KCNJ3: variants seen among roughly 807,000 people sequenced by gnomAD.
The protein encoded by KCNJ3 is G protein-activated inward rectifier potassium channel 1.
Under a neutral mutation model 39.2 loss-of-function variants are expected in KCNJ3, and 4 were observed. That is an observed-to-expected ratio of 0.10 (90% CI 0.05 to 0.23). The LOEUF (loss-of-function observed/expected upper bound fraction) is 0.23, where lower values mean the gene tolerates loss of function less well. KCNJ3 is among the 10% of genes least tolerant of loss of function. The pLI is 1.00. For synonymous variants in KCNJ3, 230 were observed against 237.4 expected, an observed-to-expected ratio of 0.97 and a Z score of 0.29; for missense variants, 276 against 634.9, an observed-to-expected ratio of 0.43 and a Z score of 6.08.
At chr2:154,836,236 A>AAACAAAAAT (rs1687460856) in intron 2 of KCNJ3, among the ~76,000 whole-genome samples, 1 of 96,350 alleles carries the variant, frequency 1.0e-5, no homozygotes, top group Non-Finnish European at 2.4e-5. Context: ...AAACAAAAAA[A>AAACAAAAAT]AAAACAAAAA....
At chr2:154,722,074 C>G (rs924124232) in intron 2 of KCNJ3, among the ~76,000 whole-genome samples, 1 of 151,930 alleles carries the variant, frequency 6.6e-6, no homozygotes, top group Non-Finnish European at 1.5e-5. Flanking sequence ...GAGAGGGAGG[C>G]AAGTCAATAG....
chr2:154,784,249 C>A (rs1355416293), intron 2 of KCNJ3, among the ~76,000 whole-genome samples: 2 of 152,162 alleles, frequency 1.3e-5, no homozygotes, highest in Admixed American at 1.3e-4. Context: ...TTAGATTTAG[C>A]TTATCTATCT....
At chr2:154,842,209 A>T (rs886292941) in intron 2 of KCNJ3, among the ~76,000 whole-genome samples, 1 of 152,188 alleles carries the variant, frequency 6.6e-6, no homozygotes, top group African/African-American at 2.4e-5. Context: ...TCCAGTCGTC[A>T]TTCAGGAGCA....
At chr2:154,731,579 C>CTT (rs767170538) in intron 2 of KCNJ3, among the ~76,000 whole-genome samples, 1 of 151,606 alleles carries the variant, frequency 6.6e-6, no homozygotes, top group African/African-American at 2.4e-5. Context: ...CTTTGGGTAT[C>CTT]TTTTAAATAT....
chr2:154,761,648 A>AT (rs1226374999), intron 2 of KCNJ3, among the ~76,000 whole-genome samples: 6 of 152,154 alleles, frequency 3.9e-5, no homozygotes, highest in Non-Finnish European at 7.3e-5. Context: ...GATAGATAGG[A>AT]TTTTTTGACT....
chr2:154,746,928 A>C lies in KCNJ3; in HGVS notation c.919+37109A>C, dbSNP rs1685755376. On this transcript the variant is annotated intron_variant, in intron 2 of 2. Transcript: ENST00000295101. ...AATAATAGCTCATTGCTTGAATCTTACCAATAATATCTAGTCTGCCTCTTG... is the reference window on the plus strand; with the variant it reads ...AATAATAGCTCATTGCTTGAATCTTCCCAATAATATCTAGTCTGCCTCTTG... 1.3e-5 allele frequency among the ~76,000 whole-genome samples: 2 copies of C among 151,750 alleles called. 1 individual carries two copies. The highest frequency in any genetic ancestry group is 4.1e-4 in the South Asian group (2 of 4,832).
chr2:154,788,671 CT>C (rs1686576492), intron 2 of KCNJ3, among the ~76,000 whole-genome samples: 2 of 151,580 alleles, frequency 1.3e-5, no homozygotes, highest in South Asian at 4.2e-4. Flanking sequence ...AATTTTTCCT[CT>C]TTTTAAAATA....
In KCNJ3 at chr2:154,771,233, C is replaced by G. The variant is rs544580133; in HGVS notation, c.919+61414C>G. On this transcript the variant is annotated intron_variant, in intron 2 of 2. Transcript: ENST00000295101. Reference sequence around the variant, plus strand: ...TGGTTATTTGTTAAAGGAAATTTATCTGGAAGAGGAAGGGGAAAAAAGCTA... The same window carrying G: ...TGGTTATTTGTTAAAGGAAATTTATGTGGAAGAGGAAGGGGAAAAAAGCTA... Among the ~76,000 whole-genome samples the G allele has an allele frequency of 2.0e-5, 3 of 152,092 alleles. No individual in the cohort carries two copies. In the East Asian group the frequency reaches 5.8e-4, roughly 29 times the overall value.
At chr2:154,804,634 G>T (rs13005001) in intron 2 of KCNJ3, among the ~76,000 whole-genome samples, 11,816 of 152,158 alleles carry the variant, frequency 0.078, 657 homozygotes, top group Non-Finnish European at 0.12. Flanking sequence ...TAGGCAAGGT[G>T]CTGTTTATAT....
At chr2:154,731,813 C>G (rs1007037623) in intron 2 of KCNJ3, among the ~76,000 whole-genome samples, 2 of 151,516 alleles carry the variant, frequency 1.3e-5, no homozygotes, top group African/African-American at 4.9e-5. Context: ...AGGGTAAGCC[C>G]ATGCATTCTT....
intron 2 of KCNJ3, among the ~76,000 whole-genome samples, chr2:154,814,646 T>A (rs1025755347): frequency 2.6e-5 from 4 of 151,856 alleles, no homozygotes; most frequent in African/African-American, 7.3e-5. Context: ...TCAAAAAAAA[T>A]AAATAAATAA....
chr2:154,804,017 G>A (rs1183779881), intron 2 of KCNJ3, among the ~76,000 whole-genome samples: 2 of 151,850 alleles, frequency 1.3e-5, no homozygotes, highest in Admixed American at 6.6e-5. Context: ...TTTTAAAAAG[G>A]TTTTATATTT....
chr2:154,820,292 A>G (rs1278691627), intron 2 of KCNJ3, among the ~76,000 whole-genome samples: 1 of 152,190 alleles, frequency 6.6e-6, no homozygotes, highest in African/African-American at 2.4e-5. Flanking sequence ...GAATTTCTAC[A>G]TTCTGAATTT....
At chr2:154,800,558 A>C (rs1220742346) in intron 2 of KCNJ3, among the ~76,000 whole-genome samples, 1 of 152,078 alleles carries the variant, frequency 6.6e-6, no homozygotes, top group Non-Finnish European at 1.5e-5. Flanking sequence ...TATGTTTTAA[A>C]TTCTACTTTT....
At chr2:154,737,039 G>A (rs1406940059) in intron 2 of KCNJ3, among the ~76,000 whole-genome samples, 3 of 152,186 alleles carry the variant, frequency 2.0e-5, no homozygotes, top group African/African-American at 7.2e-5. Flanking sequence ...CATCTACAAA[G>A]ATCTATAGTC....
chr2:154,716,276 A>ATTTTTTTTTTTTTTTTTTTTTTT (rs535989708), intron 2 of KCNJ3, among the ~76,000 whole-genome samples: 1 of 115,484 alleles, frequency 8.7e-6, no homozygotes, highest in Non-Finnish European at 1.7e-5. Flanking sequence ...CGGCCGGCTA[A>ATTTTTTTTTTTTTTTTTTTTTTT]TTTTTTTTTT....
chr2:154,770,530 T>G (rs758427339), intron 2 of KCNJ3, among the ~76,000 whole-genome samples: 3 of 152,146 alleles, frequency 2.0e-5, no homozygotes, highest in Non-Finnish European at 4.4e-5. Context: ...ATCATTTCCT[T>G]CCACTGTTAT....
chr2:154,780,042 T>C (rs1282916905), intron 2 of KCNJ3, among the ~76,000 whole-genome samples: 1 of 152,172 alleles, frequency 6.6e-6, no homozygotes, highest in African/African-American at 2.4e-5. Context: ...AATAACAGTA[T>C]GTCATGTACT....
intron 2 of KCNJ3, among the ~76,000 whole-genome samples, chr2:154,827,326 A>G (rs566298374): frequency 2.4e-4 from 37 of 152,228 alleles, no homozygotes; most frequent in Non-Finnish European, 4.6e-4. Context: ...TATTTTATTC[A>G]AAAAGAACCT....
Sources: gnomAD v4.1 joint callset for allele counts (sites outside exome capture counted in the v4.1 genomes callset) on GRCh38, gnomAD v4.1.1 for gene constraint, MANE v1.5 for transcripts, NCBI Gene and HGNC (gene_info 2026-07-23, HGNC 2026-07-21) for gene names.